Variants in CDK15 observed in about 807,000 individuals in gnomAD.
The protein encoded by CDK15 is cyclin dependent kinase 15.
In CDK15, 62 loss-of-function variants were observed where a neutral mutation model predicts 60.3. The observed-to-expected ratio is 1.03, with a 90% CI of 0.84 to 1.27. The LOEUF is 1.27. Ranked by LOEUF, CDK15 falls within the 50% of genes most tolerant of loss-of-function variation. CDK15 has a pLI of 0.00. For synonymous variants in CDK15, 194 were observed against 195.7 expected (o/e 0.99, Z 0.07); for missense variants, 541 against 527.8 (o/e 1.03, Z -0.25).
intron 12 of CDK15, among the ~76,000 whole-genome samples, chr2:201,886,595 G>A (rs964010206): frequency 6.6e-6 from 1 of 152,212 alleles, no homozygotes; most frequent in South Asian, 2.1e-4. Context: ...AAAGTGCTGG[G>A]ATTACAGGCG....
At position 201,888,648 on chromosome 2, in the gene CDK15, G is replaced by A. The variant is rs961029794; in HGVS notation, c.1199-2137G>A. The A allele has an allele frequency of 2.2e-6, 3 of 1,368,656 alleles. No homozygotes were observed. The East Asian group carries it at 8.3e-5, about 38-fold the overall frequency. The allele number at this position is 1,368,656 out of a possible 1,614,324, so 84.8% of individuals were successfully genotyped here. ...ATGAGTTGGGAAGGAGAGTCTGGCA[G>A]TCCACAGCCAAATTGGAATCCTTTT... is the stretch of plus-strand genomic sequence containing the variant. On this transcript the variant is annotated intron_variant, in intron 12 of 13. Coordinates refer to ENST00000652192, the MANE Select transcript of CDK15 (RefSeq NM_001366386.2).
chr2:201,858,980 G>T (rs1351954099), intron 10 of CDK15, among the ~76,000 whole-genome samples: 1 of 152,030 alleles, frequency 6.6e-6, no homozygotes, highest in African/African-American at 2.4e-5. Flanking sequence ...TAACTGAGGC[G>T]CCCGTGATTG....
rs559571694 is a variant in CDK15, at chr2:201,820,542, T to C, written c.449-2267T>C. Among the ~76,000 whole-genome samples the C allele has an allele frequency of 3.9e-5, 6 of 152,276 alleles. No individual in the cohort carries two copies. In the East Asian group the frequency reaches 1.2e-3, roughly 29 times the overall value. ...CTTTTCCTAAGGAATGAATTGAGAC[T>C]TAGGTTGAGATACTCTCCAGAGCTT... On this transcript the variant is annotated intron_variant, in intron 4 of 13. Coordinates refer to ENST00000652192, the MANE Select transcript of CDK15 (RefSeq NM_001366386.2).
intron 6 of CDK15, chr2:201,824,768 G>A (rs1696391308): frequency 8.3e-6 from 6 of 719,000 alleles, no homozygotes; most frequent in South Asian, 2.5e-5. Flanking sequence ...GAGCTTCAGC[G>A]CCTAATGATG....
In CDK15 at chr2:201,875,537, C is replaced by T. The variant is rs191229980; in HGVS notation, c.1058+3211C>T. Among the ~76,000 whole-genome samples, 299 of 152,300 alleles carry T rather than the reference C, an allele frequency of 2.0e-3. 2 individuals carry two copies. Among genetic ancestry groups the T allele is most frequent in the African/African-American group, 6.7e-3 (279 of 41,578 alleles). On this transcript the variant is annotated intron_variant, in intron 11 of 13. Coordinates refer to ENST00000652192, the MANE Select transcript of CDK15 (RefSeq NM_001366386.2). Reference sequence around the variant, plus strand: ...TTACAGCGTGATTTTAATAGTACTACCTCCATCCCAACAATAAAGGAAACA... The same window carrying T: ...TTACAGCGTGATTTTAATAGTACTATCTCCATCCCAACAATAAAGGAAACA...
intron 8 of CDK15, among the ~76,000 whole-genome samples, chr2:201,838,241 T>G (rs1697213121): frequency 6.6e-6 from 1 of 151,942 alleles, no homozygotes; most frequent in South Asian, 2.1e-4. Flanking sequence ...ATTTTTTGTT[T>G]TCACAGCTGG....
intron 4 of CDK15, among the ~76,000 whole-genome samples, chr2:201,816,478 T>TTG (rs1225165181): frequency 2.9e-5 from 3 of 104,362 alleles, no homozygotes; most frequent in African/African-American, 1.1e-4. Flanking sequence ...TTTTTTTTTT[T>TTG]TGTGGCTGCA....
chr2:201,885,482 C>T (rs1332923055), intron 12 of CDK15, among the ~76,000 whole-genome samples: 1 of 152,152 alleles, frequency 6.6e-6, no homozygotes, highest in Non-Finnish European at 1.5e-5. Flanking sequence ...CCTTAAGAAG[C>T]GAATTTGGAG....
intron 4 of CDK15, among the ~76,000 whole-genome samples, chr2:201,821,320 C>G (rs770109391): frequency 6.6e-6 from 1 of 151,846 alleles, no homozygotes; most frequent in Non-Finnish European, 1.5e-5. Context: ...GGGTAGAGGC[C>G]GGGTCAGTTC....
chr2:201,807,783 A>G, intron 2 of CDK15, 75 bp from the exon 3 acceptor site: 2 of 1,552,086 alleles, frequency 1.3e-6, no homozygotes, highest in South Asian at 2.4e-5. Flanking sequence ...CTGGGGAAAA[A>G]AAGTCAACAC....
intron 8 of CDK15, among the ~76,000 whole-genome samples, chr2:201,836,084 T>TATATA (rs1438067019): frequency 1.3e-4 from 7 of 52,816 alleles, no homozygotes; most frequent in Non-Finnish European, 2.9e-4. Flanking sequence ...TTATATATAT[T>TATATA]TATATATTTA....
chr2:201,888,732 C>T, intron 12 of CDK15: 1 of 1,201,970 alleles, frequency 8.3e-7, no homozygotes, highest in Non-Finnish European at 1.0e-6. Context: ...CTCTCTCCCT[C>T]CCTCCCTGCT....
At chr2:201,843,051 T>G (rs1697472265) in intron 8 of CDK15, among the ~76,000 whole-genome samples, 1 of 152,138 alleles carries the variant, frequency 6.6e-6, no homozygotes, top group Non-Finnish European at 1.5e-5. Context: ...TTCAGAATAT[T>G]TAAAATGTTT....
intron 6 of CDK15, among the ~76,000 whole-genome samples, chr2:201,832,309 G>T (rs988246901): frequency 6.6e-6 from 1 of 152,226 alleles, no homozygotes; most frequent in Non-Finnish European, 1.5e-5. Context: ...GTCTTCCAAA[G>T]TGCTGGGATT....
chr2:201,860,757 G>T, intron 10 of CDK15: 2 of 1,352,138 alleles, frequency 1.5e-6, no homozygotes, highest in Non-Finnish European at 2.0e-6. Flanking sequence ...GCAAGAAACA[G>T]CATGGATGGC....
intron 4 of CDK15, among the ~76,000 whole-genome samples, chr2:201,819,208 G>A (rs955669457): frequency 1.3e-5 from 2 of 152,160 alleles, no homozygotes; most frequent in Non-Finnish European, 2.9e-5. Context: ...GGTCAAGGAA[G>A]TCTGCACCTA....
At position 201,884,709 on chromosome 2, in the gene CDK15, G is replaced by A. The variant is rs976136211; in HGVS notation, c.1198+4542G>A. 1.3e-5 allele frequency among the ~76,000 whole-genome samples: 2 copies of A among 152,032 alleles called. 1 individual carries two copies. The highest frequency in any genetic ancestry group is 1.3e-4 in the Admixed American group (2 of 15,256). On this transcript the variant is annotated intron_variant, in intron 12 of 13. Transcript: ENST00000652192. Reference sequence around the variant, plus strand: ...TGTTTTATTGTTCTCTTCTGAATCTGTTCCAATTATTTTGCTTATCTCTGA... The same window carrying A: ...TGTTTTATTGTTCTCTTCTGAATCTATTCCAATTATTTTGCTTATCTCTGA...
chr2:201,854,658 C>G, intron 9 of CDK15: 1 of 547,860 alleles, frequency 1.8e-6, no homozygotes, highest in Non-Finnish European at 3.3e-6. Context: ...ATGCAGGCCC[C>G]GGACCATAGG....
chr2:201,863,316 G>C (rs1268153082), intron 10 of CDK15, among the ~76,000 whole-genome samples: 1 of 152,092 alleles, frequency 6.6e-6, no homozygotes, highest in Non-Finnish European at 1.5e-5. Flanking sequence ...AATTGCAAGT[G>C]AGTGAAAGCA....
Sources: gnomAD v4.1 joint callset for allele counts (sites outside exome capture counted in the v4.1 genomes callset) on GRCh38, gnomAD v4.1.1 for gene constraint, MANE v1.5 for transcripts, NCBI Gene and HGNC (gene_info 2026-07-23, HGNC 2026-07-21) for gene names.